NOTUM: variants seen among roughly 807,000 people sequenced by gnomAD.
NOTUM encodes the protein notum, palmitoleoyl-protein carboxylesterase.
Under a neutral mutation model 65.5 loss-of-function variants are expected in NOTUM, and 36 were observed. That is an observed-to-expected ratio of 0.55 (90% CI 0.42 to 0.73). The LOEUF is 0.73. Among genes scored for constraint, NOTUM ranks in the 30% least tolerant of loss-of-function variants. The probability of loss-of-function intolerance (pLI) is 0.00; values close to 1 mark genes in which losing one functional copy is unlikely to be tolerated. For synonymous variants in NOTUM, 356 were observed against 297.9 expected (o/e 1.20, Z -2.01); for missense variants, 659 against 694.2 (o/e 0.95, Z 0.57).
Position 81,952,774 on chromosome 17 carries a change from T to C in NOTUM, c.*187A>G. 2 of 607,670 alleles carry C rather than the reference T, an allele frequency of 3.3e-6. No individual in the cohort carries two copies. Among genetic ancestry groups the C allele is most frequent in the Non-Finnish European group, 5.9e-6 (2 of 341,802 alleles). The allele number at this position is 607,670 out of a possible 1,614,324, so 37.6% of individuals were successfully genotyped here. ...TGGGGATGACAGCAGGTCCCTTGTC[T>C]CTGGCTGGGCTGTGGGAGAGGGGCA... On this transcript the variant is annotated 3_prime_UTR_variant, in exon 11 of 11. Coordinates refer to ENST00000409678, the MANE Select transcript of NOTUM (RefSeq NM_178493.6).
At chr17:81,954,959 CCT>C (rs377292858) in intron 9 of NOTUM, among the ~76,000 whole-genome samples, 2 of 46,508 alleles carry the variant, frequency 4.3e-5, no homozygotes, top group Non-Finnish European at 1.3e-4. Context: ...CTCTCTCTCT[CCT>C]CTCTCTCTTT....
At chr17:81,954,343 CCTCAGCCCCTTTTCCACCCCCA>C (rs752747466) in intron 9 of NOTUM, 40 bp from the exon 10 acceptor site, 1 of 1,533,132 alleles carries the variant, frequency 6.5e-7, no homozygotes, top group Non-Finnish European at 9.0e-7. Flanking sequence ...CTCCTTACCC[CCTCAGCCCCTTTTCCACCCCCA>C]CTCCCCTAGA....
chr17:81,955,790 G>A (rs2041428616), intron 8 of NOTUM, among the ~76,000 whole-genome samples: 1 of 89,924 alleles, frequency 1.1e-5, no homozygotes, highest in Non-Finnish European at 2.2e-5. Flanking sequence ...CCCCACCCCA[G>A]GCTCAGAGCT....
chr17:81,956,974 C>T lies in NOTUM; in HGVS notation c.796G>A (p.Gly266Ser), dbSNP rs749052839. ...TACTGCTTGTTGTCCAGGAACCAGC[C>T]GGAGTCAGCCAGGCCTCGCACCTGG... ...AIQVRGLADS[G>S]WFLDNKQYRH... Residue 266 changes from glycine (G) to serine (S), a missense_variant, in exon 7 of 11, where the codon GGC (glycine) becomes AGC (serine). Transcript: ENST00000409678. 1.9e-6 allele frequency: 3 copies of T among 1,613,444 alleles called. No homozygotes were observed. Among genetic ancestry groups the T allele is most frequent in the Non-Finnish European group, 2.5e-6 (3 of 1,179,930 alleles).
In NOTUM at chr17:81,960,664, C is replaced by A; in HGVS notation, c.246G>T (p.Ala82=). ...SLAQSLYPCS[A]QQLNEDLRLH... is the part of the protein sequence containing the mutation. ...GGCGCAGGTCCTCGTTGAGCTGCTG[C>A]GCGGAGCAGGGGTACAGGGACTGCG... is the stretch of plus-strand genomic sequence containing the variant. The change falls in exon 1 of 11, where the codon GCG becomes GCT. Residue 82 remains alanine, a synonymous_variant. Transcript: ENST00000409678. The surrounding 1 kb of genome is among the most constrained non-coding windows in gnomAD (Gnocchi z 6.4). 6.3e-7 allele frequency: 1 copy of A among 1,589,070 alleles called. No homozygotes were observed. The highest frequency in any genetic ancestry group is 8.6e-7 in the Non-Finnish European group (1 of 1,167,244).
chr17:81,954,261 G>T lies in NOTUM; in HGVS notation c.1179C>A (p.Ile393=). The T allele has an allele frequency of 6.2e-7, 1 of 1,612,052 alleles. No individual in the cohort carries two copies. The highest frequency in any genetic ancestry group is 8.5e-7 in the Non-Finnish European group (1 of 1,178,104). The change falls in exon 10 of 11, where the codon ATC becomes ATA. Residue 393 remains isoleucine (I), a synonymous_variant. Coordinates refer to ENST00000409678, the MANE Select transcript of NOTUM (RefSeq NM_178493.6). ...APACLSHEII[I]RSHWTDVQVK... is the part of the protein sequence containing the mutation. ...CCCGGAGCAGGGACACTGACCTCCG[G>T]ATGATGATCTCATGGGAGAGGCAGG... is the stretch of plus-strand genomic sequence containing the variant.
intron 3 of NOTUM, 90 bp from the exon 4 acceptor site, chr17:81,959,085 C>A: frequency 8.9e-7 from 1 of 1,120,474 alleles, no homozygotes; most frequent in Non-Finnish European, 1.4e-6. Flanking sequence ...GGGGCTCCTA[C>A]TTGGCCCCAG....
At chr17:81,954,175 G>A (rs905105659) in intron 10 of NOTUM, 81 bp downstream of exon 10, 13 of 1,007,184 alleles carry the variant, frequency 1.3e-5, no homozygotes, top group Non-Finnish European at 2.0e-5. Flanking sequence ...AGGCCCATGG[G>A]AGGCCAAGTG....
Position 81,953,283 on chromosome 17 carries a change from G to A in NOTUM, c.1185-16C>T, listed in dbSNP as rs201078294. 7.1e-4 allele frequency: 1,101 copies of A among 1,552,420 alleles called. 10 individuals carry two copies. In the African/African-American group the frequency reaches 0.012, roughly 17 times the overall value. On this transcript the variant is annotated splice_polypyrimidine_tract_variant and intron_variant, in intron 10 of 10. Coordinates refer to ENST00000409678, the MANE Select transcript of NOTUM (RefSeq NM_178493.6). Reference sequence around the variant, plus strand: ...CGTCCAGTGGCTGCAGAGGAAAACCGGGGGAGGGGGTCACATGTGCGGAGT... The same window carrying A: ...CGTCCAGTGGCTGCAGAGGAAAACCAGGGGAGGGGGTCACATGTGCGGAGT...
chr17:81,958,960 G>A lies in NOTUM; in HGVS notation c.508C>T (p.Pro170Ser), dbSNP rs781762801. Residue 170 changes from proline to serine, a missense_variant, in exon 4 of 11, where the codon CCC becomes TCC. By Grantham distance (74) the Pro-to-Ser change is moderately conservative. Coordinates refer to ENST00000409678, the MANE Select transcript of NOTUM (RefSeq NM_178493.6). ...ACCATGTTTGCGTTCCACCAGTAGG[G>A]GTTCTCCTCCGGCTGTGAGGACAGG... ...GILSSQPEEN[P>S]YWWNANMVFI... 2 of 1,613,152 alleles carry A rather than the reference G, an allele frequency of 1.2e-6. No homozygotes were observed. Among genetic ancestry groups the A allele is most frequent in the Non-Finnish European group, 1.7e-6 (2 of 1,179,762 alleles).
chr17:81,957,948 C>G, intron 5 of NOTUM, 40 bp from the exon 6 acceptor site: 2 of 1,399,016 alleles, frequency 1.4e-6, no homozygotes, highest in Non-Finnish European at 2.0e-6. Flanking sequence ...GGGGCCTGGA[C>G]AGAGAGAACC....
chr17:81,959,510 G>T lies in NOTUM; in HGVS notation c.433C>A (p.Arg145Ser). 6.5e-7 allele frequency: 1 copy of T among 1,548,566 alleles called. No individual in the cohort carries two copies. Residue 145 changes from arginine to serine, a missense_variant, in exon 3 of 11, where the codon CGC becomes AGC. Physicochemically the swap from Arg to Ser is moderately radical, Grantham distance 110. Coordinates refer to ENST00000409678, the MANE Select transcript of NOTUM (RefSeq NM_178493.6). ...GGCCAGTCCCGGGAGCTCATGAGGC[G>T]CCGCATGGTGTCGTATCTGGAGTCG... ...NCDSRYDTMR[R>S]LMSSRDWPRT...
chr17:81,958,215 A>G (rs2041447929), intron 5 of NOTUM, 120 bp downstream of exon 5: 1 of 720,762 alleles, frequency 1.4e-6, no homozygotes, highest in Admixed American at 2.1e-5. Context: ...GCTGAGAGTC[A>G]GCTTTTCCCC....
Position 81,952,687 on chromosome 17 carries a change from GGA to G in NOTUM, c.*272_*273del. The G allele has an allele frequency of 1.9e-6, 1 of 532,080 alleles. No individual in the cohort carries two copies. Among genetic ancestry groups the G allele is most frequent in the Non-Finnish European group, 3.3e-6 (1 of 299,570 alleles). The allele number at this position is 532,080 out of a possible 1,614,324, so 33.0% of individuals were successfully genotyped here. ...GGTGCTGTCTGAGCTGGTGGACTGA[GGA>G]ATCCAGTGCTTCTCTTCTGGCTACC... On this transcript the variant is annotated 3_prime_UTR_variant, in exon 11 of 11. Transcript: ENST00000409678.
intron 7 of NOTUM, 58 bp downstream of exon 7, chr17:81,956,825 C>A: frequency 6.3e-7 from 1 of 1,594,758 alleles, no homozygotes; most frequent in Non-Finnish European, 8.6e-7. Context: ...TGCCACTCCA[C>A]CCAGGCCCTT....
In NOTUM at chr17:81,957,885, G is replaced by A. The variant is rs921605451; in HGVS notation, c.616C>T (p.Leu206Phe). Residue 206 changes from leucine (L) to phenylalanine (F), a missense_variant, in exon 6 of 11, where the codon CTC (leucine) becomes TTC (phenylalanine). By Grantham distance (22) the Leu-to-Phe change is conservative. Transcript: ENST00000409678. ...TCCCGCACCACCTCCTGGATGATGA[G>A]GGCGCCCATGAAGGCGTACTCGTCT... is the stretch of plus-strand genomic sequence containing the variant. ...EKNEYAFMGA[L>F]IIQEVVRELL... The A allele has an allele frequency of 6.2e-7, 1 of 1,606,148 alleles. No homozygotes were observed. Among genetic ancestry groups the A allele is most frequent in the South Asian group, 1.1e-5 (1 of 89,392 alleles).
In NOTUM at chr17:81,960,087, C is replaced by G. The variant is rs994434357; in HGVS notation, c.324-395G>C. On this transcript the variant is annotated intron_variant, in intron 1 of 10. Transcript: ENST00000409678. The surrounding 1 kb of genome is among the most constrained non-coding windows in gnomAD (Gnocchi z 6.4). Reference sequence around the variant, plus strand: ...GCGCGGGAGGCGCGGGCGGCACCGACCCGGCGGGGGAGCCTTCCTGCCGAG... The same window carrying G: ...GCGCGGGAGGCGCGGGCGGCACCGAGCCGGCGGGGGAGCCTTCCTGCCGAG... Among the ~76,000 whole-genome samples, 1 of 152,026 alleles carries G rather than the reference C, an allele frequency of 6.6e-6. No individual in the cohort carries two copies. Among genetic ancestry groups the G allele is most frequent in the Non-Finnish European group, 1.5e-5 (1 of 67,952 alleles).
At chr17:81,955,276 C>T (rs1373922543) in intron 9 of NOTUM, 121 bp downstream of exon 9, 6 of 900,042 alleles carry the variant, frequency 6.7e-6, no homozygotes, top group African/African-American at 3.4e-5. Flanking sequence ...TCACTGCGCC[C>T]GGCCTACAAG....
intron 10 of NOTUM, among the ~76,000 whole-genome samples, 164 bp from the exon 11 acceptor site, chr17:81,953,431 G>T (rs996874981): frequency 1.4e-5 from 2 of 147,546 alleles, no homozygotes; most frequent in Non-Finnish European, 1.5e-5. Context: ...GAGTAGCTGG[G>T]ATTACAGGCG....
Sources: gnomAD v4.1 joint callset for allele counts (sites outside exome capture counted in the v4.1 genomes callset) on GRCh38, gnomAD v4.1.1 for gene constraint, Gnocchi (gnomAD v3.1) non-coding constraint, MANE v1.5 for transcripts, NCBI Gene and HGNC (gene_info 2026-07-23, HGNC 2026-07-21) for gene names.